The following PTPRN2 variants were observed in gnomAD, a reference collection of about 807,000 sequenced individuals.
PTPRN2 encodes protein tyrosine phosphatase receptor type N2.
In PTPRN2, 74 loss-of-function variants were observed where a neutral mutation model predicts 118.8. The ratio of observed to expected loss-of-function variants is 0.62; its 90% CI spans 0.52 to 0.76. PTPRN2 has a LOEUF of 0.76. PTPRN2 is among the 30% of genes least tolerant of loss of function. PTPRN2 has a pLI of 0.00. For synonymous variants in PTPRN2, 641 were observed against 608.0 expected, an observed-to-expected ratio of 1.05 and a Z score of -0.80; for missense variants, 1,481 against 1,394.4, an observed-to-expected ratio of 1.06 and a Z score of -0.99.
intron 3 of PTPRN2, among the ~76,000 whole-genome samples, chr7:158,223,297 C>T (rs1050412985): frequency 3.3e-5 from 5 of 152,054 alleles, no homozygotes; most frequent in African/African-American, 9.7e-5. Context: ...AAATAGAAGG[C>T]GAGGAAACAG....
chr7:158,550,367 C>T (rs920348998), intron 1 of PTPRN2, among the ~76,000 whole-genome samples: 23 of 152,248 alleles, frequency 1.5e-4, no homozygotes, highest in African/African-American at 5.5e-4. Flanking sequence ...CAGGACGCTC[C>T]CACATCCCCC....
At chr7:157,621,306 C>A in intron 15 of PTPRN2, 56 bp downstream of exon 15, 1 of 1,570,958 alleles carries the variant, frequency 6.4e-7, no homozygotes, top group Non-Finnish European at 8.6e-7. Context: ...CAGGTCAGCA[C>A]GGCCAGTTTC....
At chr7:158,448,340 TTAGAGAAAATA>T (rs1240861215) in intron 2 of PTPRN2, among the ~76,000 whole-genome samples, 3 of 152,204 alleles carry the variant, frequency 2.0e-5, no homozygotes, top group Non-Finnish European at 4.4e-5. Context: ...TGCTTCTTAA[TTAGAGAAAATA>T]GTAAGTTAGC....
chr7:157,887,497 T>C (rs1796528521), intron 12 of PTPRN2, among the ~76,000 whole-genome samples: 1 of 12,636 alleles, frequency 7.9e-5, no homozygotes, highest in Non-Finnish European at 1.5e-4. Flanking sequence ...CAGTACCCAC[T>C]CGTCAGTACC....
At chr7:158,235,568 G>A (rs1829477684) in intron 3 of PTPRN2, among the ~76,000 whole-genome samples, 1 of 152,192 alleles carries the variant, frequency 6.6e-6, no homozygotes, top group Non-Finnish European at 1.5e-5. Context: ...CCTCCGTTGA[G>A]ATTGGTGGTT....
At position 157,688,573 on chromosome 7, in the gene PTPRN2, C is replaced by A. The variant is rs373956576; in HGVS notation, c.1789-5636G>T. Among the ~76,000 whole-genome samples, 5 of 152,358 alleles carry A rather than the reference C, an allele frequency of 3.3e-5. No homozygotes were observed. The East Asian group carries it at 7.7e-4, about 24-fold the overall frequency. On this transcript the variant is annotated intron_variant, in intron 12 of 22. Coordinates refer to ENST00000389418, the MANE Select transcript of PTPRN2 (RefSeq NM_002847.5). ...TATTTTTGGCCCGCCCGCCTGGTCC[C>A]CAGGCCTGCCTGGACGCACGCGCGC...
chr7:158,247,270 G>A (rs1175667886), intron 3 of PTPRN2, among the ~76,000 whole-genome samples: 1 of 152,240 alleles, frequency 6.6e-6, no homozygotes, highest in African/African-American at 2.4e-5. Flanking sequence ...GTGGAGGAAG[G>A]GGGCAGGCGC....
intron 12 of PTPRN2, among the ~76,000 whole-genome samples, chr7:157,895,287 C>T (rs1025045329): frequency 2.7e-5 from 4 of 147,590 alleles, no homozygotes; most frequent in Non-Finnish European, 4.4e-5. Context: ...AGGATCTGGA[C>T]GAGACCATAA....
At chr7:157,920,487 G>T (rs1391815785) in intron 11 of PTPRN2, among the ~76,000 whole-genome samples, 14 of 152,224 alleles carry the variant, frequency 9.2e-5, no homozygotes, top group Admixed American at 8.5e-4. Flanking sequence ...CCCCCATGTT[G>T]TCTGAACGTC....
At chr7:157,664,247 G>A (rs375085574) in intron 13 of PTPRN2, among the ~76,000 whole-genome samples, 48 of 152,368 alleles carry the variant, frequency 3.2e-4, no homozygotes, top group African/African-American at 1.1e-3. Context: ...AATGGACAGC[G>A]TGGCACACAT....
rs549939702 is a variant in PTPRN2, at chr7:158,490,910, C to A, written c.113-1125G>T. ...GGAGCCGGGCACACGCCTGTTTCCACCCTCTACTGTTTCCTCCCATGCCCT... is the reference window on the plus strand; with the variant it reads ...GGAGCCGGGCACACGCCTGTTTCCAACCTCTACTGTTTCCTCCCATGCCCT... On this transcript the variant is annotated intron_variant, in intron 1 of 22. Transcript: ENST00000389418. Among the ~76,000 whole-genome samples, 13 of 152,354 alleles carry A rather than the reference C, an allele frequency of 8.5e-5. 1 individual carries two copies. The highest frequency in any genetic ancestry group is 3.1e-4 in the African/African-American group (13 of 41,578).
chr7:158,471,632 G>A (rs756133684), intron 2 of PTPRN2, among the ~76,000 whole-genome samples: 1 of 152,040 alleles, frequency 6.6e-6, no homozygotes, highest in Non-Finnish European at 1.5e-5. Context: ...AAGTTGTGGC[G>A]AGCTGAGATT....
chr7:158,502,461 A>ATCT (rs1822434992), intron 1 of PTPRN2, among the ~76,000 whole-genome samples: 1 of 152,204 alleles, frequency 6.6e-6, no homozygotes, highest in African/African-American at 2.4e-5. Flanking sequence ...ACAACCACAC[A>ATCT]GCACCATCAC....
intron 9 of PTPRN2, 79 bp from the exon 10 acceptor site, chr7:158,110,994 G>T (rs969295090): frequency 1.6e-6 from 2 of 1,257,392 alleles, no homozygotes; most frequent in Non-Finnish European, 2.2e-6. Flanking sequence ...TGGCCCCACA[G>T]CCCCGCTCCC....
intron 16 of PTPRN2, among the ~76,000 whole-genome samples, chr7:157,597,403 A>C (rs1382813826): frequency 6.6e-5 from 10 of 152,110 alleles, no homozygotes; most frequent in Admixed American, 6.5e-4. Flanking sequence ...ACAGCTATTT[A>C]CAGAGACCCC....
At chr7:158,006,731 G>A (rs1805656720) in intron 11 of PTPRN2, among the ~76,000 whole-genome samples, 2 of 152,180 alleles carry the variant, frequency 1.3e-5, no homozygotes, top group South Asian at 4.1e-4. Context: ...TAGGCCCAGG[G>A]TCCCTTAGGC....
intron 1 of PTPRN2, among the ~76,000 whole-genome samples, chr7:158,543,005 G>A (rs1826079404): frequency 6.6e-6 from 1 of 151,244 alleles, no homozygotes; most frequent in Non-Finnish European, 1.5e-5. Context: ...AATGTCATGC[G>A]CCGGGTTGGG....
intron 2 of PTPRN2, among the ~76,000 whole-genome samples, chr7:158,359,566 C>T (rs143244301): frequency 1.1e-3 from 164 of 152,186 alleles, no homozygotes; most frequent in African/African-American, 3.8e-3. Context: ...AGCAACACCG[C>T]GACACTCTAG....
intron 3 of PTPRN2, among the ~76,000 whole-genome samples, chr7:158,269,201 C>T (rs1199268246): frequency 1.3e-5 from 2 of 152,158 alleles, no homozygotes; most frequent in Middle Eastern, 3.2e-3. Context: ...AGCCCCTGCC[C>T]GACCCCGCCC....
Sources: allele counts gnomAD v4.1 joint callset (sites outside exome capture counted in the v4.1 genomes callset), GRCh38; gene constraint gnomAD v4.1.1; transcripts MANE v1.5; gene names NCBI Gene and HGNC (gene_info 2026-07-23, HGNC 2026-07-21).